Variants in TBCD observed in about 807,000 individuals in gnomAD.
TBCD encodes the protein tubulin folding cofactor D.
In TBCD, 105 loss-of-function variants were observed where a neutral mutation model predicts 169.3. The observed-to-expected ratio is 0.62, with a 90% confidence interval of 0.53 to 0.73. TBCD has a LOEUF of 0.73. TBCD is among the 30% of genes least tolerant of loss of function. The pLI is 0.00. For synonymous variants in TBCD, 700 were observed against 643.9 expected (o/e 1.09, Z -1.32); for missense variants, 1,444 against 1,600.1 (o/e 0.90, Z 1.66).
intron 13 of TBCD, among the ~76,000 whole-genome samples, chr17:82,821,135 ATCTCACTT>A: frequency 6.6e-6 from 1 of 152,236 alleles, no homozygotes; most frequent in South Asian, 2.1e-4. Flanking sequence ...TAGAAACAGG[ATCTCACTT>A]TATTGTCCAG....
Position 82,833,686 on chromosome 17 carries a change from G to A in TBCD, c.1318+18752G>A, listed in dbSNP as rs539886276. On this transcript the variant is annotated intron_variant, in intron 13 of 38. Transcript: ENST00000355528. This position sits in a 1 kb window ranked among gnomAD's most constrained non-coding sequence, Gnocchi z 4.7. ...CCAAAGCTTTGCCACACTCCTGCCC[G>A]AGAGGAGACCAGAGTGAGTAGTATC... 1.3e-5 allele frequency among the ~76,000 whole-genome samples: 2 copies of A among 152,288 alleles called. No homozygotes were observed. Among genetic ancestry groups the A allele is most frequent in the East Asian group, 3.9e-4 (2 of 5,164 alleles).
chr17:82,891,348 C>T (rs1187560801), intron 16 of TBCD, among the ~76,000 whole-genome samples: 1 of 152,240 alleles, frequency 6.6e-6, no homozygotes, highest in African/African-American at 2.4e-5. Context: ...GGGAGTCTTG[C>T]ACCTCAGTCC....
intron 15 of TBCD, among the ~76,000 whole-genome samples, chr17:82,888,416 A>T (rs2058899707): frequency 6.6e-6 from 1 of 152,246 alleles, no homozygotes; most frequent in Non-Finnish European, 1.5e-5. Context: ...ATACCACTGG[A>T]ATGGTACATG....
intron 1 of TBCD, among the ~76,000 whole-genome samples, chr17:82,752,658 C>G (rs2047167665): frequency 6.6e-6 from 1 of 152,142 alleles, no homozygotes; most frequent in East Asian, 1.9e-4. Context: ...GCGGCCTCCC[C>G]GGGAGGCGGG....
rs1427303113 is a variant in TBCD at position 82,890,078 on chromosome 17, A to G, written c.1563+381A>G. Among the ~76,000 whole-genome samples the G allele has an allele frequency of 6.6e-6, 1 of 151,986 alleles. No individual in the cohort carries two copies. Among genetic ancestry groups the G allele is most frequent in the African/African-American group, 2.4e-5 (1 of 41,366 alleles). On this transcript the variant is annotated intron_variant, in intron 16 of 38. Coordinates refer to ENST00000355528, the MANE Select transcript of TBCD (RefSeq NM_005993.5). This position sits in a 1 kb window ranked among gnomAD's most constrained non-coding sequence, Gnocchi z 5.3. Reference sequence around the variant, plus strand: ...TGACGTCAGCTTGTGCCTCATCCAGACCATAGACGGGCCCAGAAGTCAGCT... The same window carrying G: ...TGACGTCAGCTTGTGCCTCATCCAGGCCATAGACGGGCCCAGAAGTCAGCT...
At position 82,815,121 on chromosome 17, in the gene TBCD, G is replaced by A. The variant is rs144268935; in HGVS notation, c.1318+187G>A. Among the ~76,000 whole-genome samples, 165 of 152,294 alleles carry A rather than the reference G, an allele frequency of 1.1e-3. 5 individuals are homozygous for A. The highest frequency in any genetic ancestry group is 3.7e-4 in the Non-Finnish European group (25 of 68,026). ...CATCTCCGCGGTGTGGCCCTGCCGC[G>A]GGCACGCCCAGAAGAGCTTGAGAAC... is the stretch of plus-strand genomic sequence containing the variant. On this transcript the variant is annotated intron_variant, in intron 13 of 38. Coordinates refer to ENST00000355528, the MANE Select transcript of TBCD (RefSeq NM_005993.5).
At chr17:82,925,774 A>C (rs549442091) in intron 27 of TBCD, among the ~76,000 whole-genome samples, 1 of 152,222 alleles carries the variant, frequency 6.6e-6, no homozygotes, top group East Asian at 1.9e-4. Context: ...TCACTTGGAG[A>C]TATGACAGAT....
intron 7 of TBCD, among the ~76,000 whole-genome samples, chr17:82,794,631 C>T (rs2049975864): frequency 6.6e-6 from 1 of 152,236 alleles, no homozygotes; most frequent in African/African-American, 2.4e-5. Context: ...GGTACCCCAT[C>T]CCACCGCCAC....
At chr17:82,913,324 CG>C (rs764390902) in intron 23 of TBCD, 13 of 152,248 alleles carry the variant, frequency 8.5e-5, no homozygotes, top group African/African-American at 1.4e-4. Context: ...CCGTGTGCTG[CG>C]GGGTCTGCTT....
intron 32 of TBCD, 165 bp downstream of exon 32, chr17:82,929,665 AC>A: frequency 1.0e-6 from 1 of 954,570 alleles, no homozygotes; most frequent in African/African-American, 1.6e-5. Flanking sequence ...CTTCCTCATG[AC>A]CCAGGAGGCT....
intron 23 of TBCD, among the ~76,000 whole-genome samples, chr17:82,917,330 A>C (rs963109163): frequency 1.3e-5 from 2 of 152,086 alleles, no homozygotes; most frequent in African/African-American, 2.4e-5. Context: ...CATTGTCACA[A>C]ATTCTTTCAG....
intron 13 of TBCD, among the ~76,000 whole-genome samples, chr17:82,839,352 C>CAT (rs1305689424): frequency 5.3e-5 from 8 of 151,440 alleles, no homozygotes; most frequent in Admixed American, 4.6e-4. Context: ...ACCACACACA[C>CAT]ATATATATAA....
intron 27 of TBCD, 72 bp downstream of exon 27, chr17:82,925,129 G>A (rs2061640813): frequency 1.7e-6 from 2 of 1,209,582 alleles, no homozygotes; most frequent in Non-Finnish European, 1.2e-6. Context: ...GGGGCATGAG[G>A]TAGGCCCAGC....
chr17:82,832,035 G>A lies in TBCD; in HGVS notation c.1318+17101G>A. 6.2e-7 allele frequency: 1 copy of A among 1,612,902 alleles called. No individual in the cohort carries two copies. The highest frequency in any genetic ancestry group is 8.5e-7 in the Non-Finnish European group (1 of 1,178,986). On this transcript the variant is annotated intron_variant, in intron 13 of 38. Transcript: ENST00000355528. The surrounding 1 kb of genome is among the most constrained non-coding windows in gnomAD (Gnocchi z 4.9). ...CACCGAGGGCGGCTTCCGGAGCTGG[G>A]CTCTTGCAGGGTGATGCCCTGTGGA...
At chr17:82,778,330 GT>G (rs2048730206) in intron 6 of TBCD, among the ~76,000 whole-genome samples, 1 of 152,164 alleles carries the variant, frequency 6.6e-6, no homozygotes, top group African/African-American at 2.4e-5. Context: ...AACTCTGTGC[GT>G]TTTAAAGGGA....
chr17:82,756,126 C>G, intron 1 of TBCD, 39 bp from the exon 2 acceptor site: 2 of 1,551,090 alleles, frequency 1.3e-6, no homozygotes, highest in Non-Finnish European at 1.8e-6. Context: ...GTATGTTTGG[C>G]CTAGTGATAA....
Position 82,927,006 on chromosome 17 carries a change from G to A in TBCD, c.2472-180G>A, listed in dbSNP as rs879661392. 72 of 855,652 alleles carry A rather than the reference G, an allele frequency of 8.4e-5. 1 individual carries two copies. The highest frequency in any genetic ancestry group is 6.0e-4 in the Middle Eastern group (2 of 3,350). 53.0% of individuals were successfully genotyped at this position (855,652 alleles called of 1,614,324 possible). A position where few individuals can be genotyped will look rare whatever the true frequency, so the allele number is the denominator to read the frequency against. On this transcript the variant is annotated intron_variant, in intron 28 of 38. Coordinates refer to ENST00000355528, the MANE Select transcript of TBCD (RefSeq NM_005993.5). ...CGGAGAGACGGCAGAGCGTGACCTC[G>A]GGGAAGCACGTCCCACGTTCCATAC...
At position 82,924,941 on chromosome 17, in the gene TBCD, G is replaced by A; in HGVS notation, c.2263G>A (p.Glu755Lys). ...PGEADPAIQEELITQYLAELR... is the reference protein window; with the variant it reads ...PGEADPAIQEKLITQYLAELR... ...TCACACTCGTTGCTTCCTTTCAGAG[G>A]AGCTGATCACGCAGTACCTGGCTGA... is the stretch of plus-strand genomic sequence containing the variant. The change falls in exon 27 of 39, where the codon GAG becomes AAG. Residue 755 changes from glutamate to lysine, a missense_variant and splice_region_variant. Physicochemically the swap from Glu to Lys is moderately conservative, Grantham distance 56. Coordinates refer to ENST00000355528, the MANE Select transcript of TBCD (RefSeq NM_005993.5). The A allele has an allele frequency of 6.4e-7, 1 of 1,559,716 alleles. No homozygotes were observed. Among genetic ancestry groups the A allele is most frequent in the Non-Finnish European group, 8.7e-7 (1 of 1,150,948 alleles).
At chr17:82,820,399 A>G (rs561345009) in intron 13 of TBCD, among the ~76,000 whole-genome samples, 3 of 152,282 alleles carry the variant, frequency 2.0e-5, no homozygotes, top group Admixed American at 6.5e-5. Flanking sequence ...TTTTGTATGA[A>G]CCCTATTTCC....
Sources: allele counts gnomAD v4.1 joint callset (sites outside exome capture counted in the v4.1 genomes callset), GRCh38; gene constraint gnomAD v4.1.1; non-coding constraint Gnocchi (gnomAD v3.1); transcripts MANE v1.5; gene names NCBI Gene and HGNC (gene_info 2026-07-23, HGNC 2026-07-21).